Variants in OTUD7B observed in about 807,000 individuals in gnomAD.
OTUD7B encodes OTU domain-containing protein 7B.
Under a neutral mutation model 82.2 loss-of-function variants are expected in OTUD7B, and 34 were observed. The observed-to-expected ratio is 0.41, with a 90% CI of 0.31 to 0.55. The LOEUF (loss-of-function observed/expected upper bound fraction) is 0.55. OTUD7B is among the 20% of genes least tolerant of loss of function. The pLI is 0.20. For missense variants in OTUD7B, 944 were observed against 1,062.1 expected (o/e 0.89, Z 1.55); for synonymous variants, 398 against 402.7 (o/e 0.99, Z 0.14).
chr1:150,054,920 A>C, the OTUD7B span: 1 of 276,512 alleles, frequency 3.6e-6, no homozygotes, highest in Non-Finnish European at 7.3e-6. Flanking sequence ...ATTGATCAAA[A>C]AGCTGTGGAC....
chr1:149,948,045 T>A (rs1647887518), intron 10 of OTUD7B, among the ~76,000 whole-genome samples: 2 of 152,222 alleles, frequency 1.3e-5, no homozygotes, highest in South Asian at 4.1e-4. Context: ...AATGGTACCA[T>A]CTCAGCTCAC....
At chr1:150,063,569 G>C in the OTUD7B span, among the ~76,000 whole-genome samples, 1 of 152,146 alleles carries the variant, frequency 6.6e-6, no homozygotes, top group Non-Finnish European at 1.5e-5. Flanking sequence ...ATGAATTCAG[G>C]ATCGTTATTT....
At chr1:150,013,158 C>T (rs138308501), upstream of OTUD7B, among the ~76,000 whole-genome samples, 9 of 152,280 alleles carry the variant, frequency 5.9e-5, no homozygotes, top group East Asian at 1.7e-3. Flanking sequence ...AAAATCCTAC[C>T]GGTGTACACA....
In OTUD7B at chr1:149,949,049, C is replaced by A; in HGVS notation, c.1158G>T (p.Leu386=). 6.2e-7 allele frequency: 1 copy of A among 1,613,642 alleles called. No homozygotes were observed. The change falls in exon 10 of 12, where the codon CTG becomes CTT. Residue 386 remains leucine (L), a synonymous_variant. Transcript: ENST00000581312. ...VIPLTDSEYK[L]LPLHFAVDPG... ...GGTCCACAGCAAAGTGCAAGGGCAGCAGCTTATACTCTGAATCTGTAAGTG... is the reference window on the plus strand; with the variant it reads ...GGTCCACAGCAAAGTGCAAGGGCAGAAGCTTATACTCTGAATCTGTAAGTG...
At position 149,941,595 on chromosome 1, in the gene OTUD7B, T is replaced by TA. The variant is rs1173823489; in HGVS notation, c.*2261dup. The TA allele has an allele frequency of 2.0e-5, 3 of 152,202 alleles. No homozygotes were observed. The highest frequency in any genetic ancestry group is 2.1e-4 in the South Asian group (1 of 4,834). 9.4% of individuals were successfully genotyped at this position (152,202 alleles called of 1,614,324 possible). A position where few individuals can be genotyped will look rare whatever the true frequency, so the allele number is the denominator to read the frequency against. On this transcript the variant is annotated 3_prime_UTR_variant, in exon 12 of 12. Coordinates refer to ENST00000581312, the MANE Select transcript of OTUD7B (RefSeq NM_020205.4). ...AAATACTATTTTAATGCAACATTTTTAAAAAATCACAATTAATGTAAAAAG... is the reference window on the plus strand; with the variant it reads ...AAATACTATTTTAATGCAACATTTTTAAAAAAATCACAATTAATGTAAAAAG...
the OTUD7B span, among the ~76,000 whole-genome samples, chr1:150,022,189 G>A: frequency 6.6e-6 from 1 of 151,932 alleles, no homozygotes; most frequent in Non-Finnish European, 1.5e-5. Context: ...CCTGAGGTCG[G>A]GAGTTCGAGA....
chr1:149,947,322 G>T lies in OTUD7B; in HGVS notation c.1252C>A (p.Leu418Ile), dbSNP rs1030371296. The T allele has an allele frequency of 6.2e-7, 1 of 1,601,766 alleles. No individual in the cohort carries two copies. Among genetic ancestry groups the T allele is most frequent in the Admixed American group, 1.7e-5 (1 of 59,978 alleles). Residue 418 changes from leucine to isoleucine, a missense_variant, in exon 11 of 12, where the codon CTA becomes ATA. Leu to Ile is a conservative substitution (Grantham distance 5, BLOSUM62 2). Transcript: ENST00000581312. ...NVRLASVILS[L>I]EVKLHLLHSY... ...TGCAGCAGATGCAATTTGACCTCTAGGGACAGAATTACACTATGAAAAAGA... is the reference window on the plus strand; with the variant it reads ...TGCAGCAGATGCAATTTGACCTCTATGGACAGAATTACACTATGAAAAAGA...
At chr1:150,017,576 T>G in the OTUD7B span, among the ~76,000 whole-genome samples, 1 of 152,130 alleles carries the variant, frequency 6.6e-6, no homozygotes, top group Non-Finnish European at 1.5e-5. Context: ...GGAGGAAGCA[T>G]GTACTTAAGA....
chr1:150,007,933 T>A (rs1051804597), intron 1 of OTUD7B, among the ~76,000 whole-genome samples: 1 of 152,186 alleles, frequency 6.6e-6, no homozygotes, highest in Admixed American at 6.5e-5. Context: ...GATGAGTGTT[T>A]AGGGTAAGGA....
At chr1:150,046,795 G>A in the OTUD7B span, among the ~76,000 whole-genome samples, 12 of 151,696 alleles carry the variant, frequency 7.9e-5, no homozygotes, top group South Asian at 2.1e-3. Context: ...CCTAGGGTGG[G>A]CATGGTGGCT....
chr1:149,954,736 T>C (rs782200028), intron 7 of OTUD7B, among the ~76,000 whole-genome samples: 2 of 152,216 alleles, frequency 1.3e-5, no homozygotes, highest in African/African-American at 2.4e-5. Flanking sequence ...TATTGGTCTA[T>C]TCAGGGGTTC....
intron 1 of OTUD7B, among the ~76,000 whole-genome samples, chr1:149,993,426 T>C (rs1651730117): frequency 6.6e-6 from 1 of 152,218 alleles, no homozygotes; most frequent in Non-Finnish European, 1.5e-5. Context: ...GTTCATCTAA[T>C]GGACTGGTTC....
chr1:149,950,423 A>C lies in OTUD7B; in HGVS notation c.846-202T>G, dbSNP rs587678309. Among the ~76,000 whole-genome samples, 3 of 152,294 alleles carry C rather than the reference A, an allele frequency of 2.0e-5. No individual in the cohort carries two copies. The South Asian group carries it at 6.2e-4, about 32-fold the overall frequency. On this transcript the variant is annotated intron_variant, in intron 7 of 11. Transcript: ENST00000581312. The stretch of plus-strand genomic sequence containing the variant: ...TACCTCCGTTTTCACAGATGGGGAA[A>C]TCCAAGAAAAGAGATTTGAAGGCTC...
intron 7 of OTUD7B, among the ~76,000 whole-genome samples, chr1:149,958,448 C>A (rs1242091151): frequency 6.7e-6 from 1 of 149,166 alleles, no homozygotes; most frequent in African/African-American, 2.5e-5. Flanking sequence ...CTGCCTCAGC[C>A]TCTCGAGTAG....
intron 7 of OTUD7B, among the ~76,000 whole-genome samples, chr1:149,953,454 TGTA>T (rs1553773959): frequency 6.6e-6 from 1 of 152,214 alleles, no homozygotes; most frequent in Non-Finnish European, 1.5e-5. Flanking sequence ...ACTGCAGCCT[TGTA>T]GTATAGTTTG....
chr1:150,052,823 C>CA, the OTUD7B span, among the ~76,000 whole-genome samples: 18,952 of 146,230 alleles, frequency 0.13, 1,396 homozygotes, highest in Non-Finnish European at 0.17. Flanking sequence ...AAACAAAAAA[C>CA]AAAAAAAAAA....
the OTUD7B span, among the ~76,000 whole-genome samples, chr1:150,016,265 T>C: frequency 6.6e-6 from 1 of 151,988 alleles, no homozygotes; most frequent in Non-Finnish European, 1.5e-5. Flanking sequence ...AAACTGAAAA[T>C]TCCTTAATCT....
chr1:150,025,749 C>T, the OTUD7B span, among the ~76,000 whole-genome samples: 1 of 152,220 alleles, frequency 6.6e-6, no homozygotes, highest in Non-Finnish European at 1.5e-5. Flanking sequence ...CAGACAAATA[C>T]ATTATGTCTA....
rs1294978862 is a variant in OTUD7B at position 149,941,150 on chromosome 1, AC to A, written c.*2706del. The stretch of plus-strand genomic sequence containing the variant: ...AAGCAAACGGAATTGGGATTGGCTA[AC>A]TTATAAATAAAAACAAACATGATAC... On this transcript the variant is annotated 3_prime_UTR_variant, in exon 12 of 12. Transcript: ENST00000581312. The A allele has an allele frequency of 6.6e-6, 1 of 152,206 alleles. No homozygotes were observed. Among genetic ancestry groups the A allele is most frequent in the Non-Finnish European group, 1.5e-5 (1 of 68,046 alleles). 9.4% of individuals were successfully genotyped at this position (152,206 alleles called of 1,614,324 possible). A position where few individuals can be genotyped will look rare whatever the true frequency, so the allele number is the denominator to read the frequency against.
Sources: allele counts gnomAD v4.1 joint callset (sites outside exome capture counted in the v4.1 genomes callset), GRCh38; gene constraint gnomAD v4.1.1; transcripts MANE v1.5; gene names NCBI Gene and HGNC (gene_info 2026-07-23, HGNC 2026-07-21).